The following MEIOB variants were observed in gnomAD, a reference collection of about 807,000 sequenced individuals.
MEIOB encodes meiosis specific with OB-fold.
In MEIOB, 50 loss-of-function variants were observed where a neutral mutation model predicts 53.1. The observed-to-expected ratio is 0.94, with a 90% CI of 0.75 to 1.19. MEIOB has a LOEUF of 1.19. Among genes scored for constraint, MEIOB ranks in the 50% most tolerant of loss-of-function variants. MEIOB has a pLI of 0.00. For missense variants in MEIOB, 551 were observed against 550.8 expected (o/e 1.00, Z 0.00); for synonymous variants, 192 against 182.5 (o/e 1.05, Z -0.42).
intron 4 of MEIOB, 122 bp downstream of exon 4, chr16:1,861,863 C>G: frequency 9.4e-7 from 1 of 1,059,954 alleles, no homozygotes; most frequent in Non-Finnish European, 1.3e-6. Flanking sequence ...TTGACTTTTT[C>G]TGATAAAGTT....
At chr16:1,852,032 G>A (rs187993914) in intron 9 of MEIOB, among the ~76,000 whole-genome samples, 1 of 152,030 alleles carries the variant, frequency 6.6e-6, no homozygotes, top group African/African-American at 2.4e-5. Flanking sequence ...CCACTCCAGG[G>A]GATCATCTGG....
intron 10 of MEIOB, 105 bp from the exon 11 acceptor site, chr16:1,842,078 G>T: frequency 2.8e-6 from 2 of 721,952 alleles, no homozygotes; most frequent in Non-Finnish European, 4.0e-6. Flanking sequence ...AGTAGCTTAA[G>T]TAACAGAAAA....
intron 13 of MEIOB, 63 bp downstream of exon 13, chr16:1,837,721 T>C: frequency 3.5e-6 from 3 of 859,226 alleles, no homozygotes; most frequent in Non-Finnish European, 5.3e-6. Flanking sequence ...AGGTTTTTCT[T>C]ATGGTTTGAA....
intron 9 of MEIOB, among the ~76,000 whole-genome samples, chr16:1,849,550 A>AAAAAAAAAAAAC (rs887590773): frequency 1.3e-5 from 2 of 150,756 alleles, no homozygotes; most frequent in African/African-American, 2.4e-5. Flanking sequence ...CGTCTCAAAA[A>AAAAAAAAAAAAC]AAAAAAACAC....
In MEIOB at chr16:1,834,382, GAA is replaced by G. The variant is rs770741254; in HGVS notation, c.1306-18_1306-17del. The G allele has an allele frequency of 8.0e-5, 109 of 1,364,940 alleles. 1 individual carries two copies. In the African/African-American group the frequency reaches 1.3e-3, roughly 16 times the overall value. The allele number at this position is 1,364,940 out of a possible 1,614,324, so 84.6% of individuals were successfully genotyped here. On this transcript the variant is annotated splice_polypyrimidine_tract_variant and intron_variant, in intron 13 of 13. Coordinates refer to ENST00000325962, the MANE Select transcript of MEIOB (RefSeq NM_001163560.3). ...ATAGAACGAACTGCGAGGAGAAACA[GAA>G]AAAGAGACAAAAGGTTAATTTTTAA... is the stretch of plus-strand genomic sequence containing the variant.
chr16:1,871,448 T>C (rs952135284), intron 1 of MEIOB, among the ~76,000 whole-genome samples: 2 of 128,642 alleles, frequency 1.6e-5, no homozygotes, highest in Admixed American at 8.2e-5. Context: ...CTCGATCTCC[T>C]GACCTCGTGA....
chr16:1,861,535 CTTTTTTTTTTTTT>C (rs59561016), intron 4 of MEIOB, among the ~76,000 whole-genome samples: 1 of 89,106 alleles, frequency 1.1e-5, no homozygotes, highest in East Asian at 3.6e-4. Context: ...GCATTGCAGT[CTTTTTTTTTTTTT>C]TTTTTTTTTT....
intron 9 of MEIOB, among the ~76,000 whole-genome samples, chr16:1,851,682 A>G (rs1899176524): frequency 6.6e-6 from 1 of 152,204 alleles, no homozygotes; most frequent in Non-Finnish European, 1.5e-5. Context: ...TAAAAACCAG[A>G]GTCTCAGTAT....
At chr16:1,870,921 G>A (rs1485267595) in intron 1 of MEIOB, among the ~76,000 whole-genome samples, 1 of 152,088 alleles carries the variant, frequency 6.6e-6, no homozygotes, top group African/African-American at 2.4e-5. Flanking sequence ...ATTTGACTCA[G>A]TGGCTGAATA....
intron 9 of MEIOB, among the ~76,000 whole-genome samples, chr16:1,852,287 G>A (rs1246702195): frequency 3.3e-5 from 4 of 121,584 alleles, no homozygotes; most frequent in Middle Eastern, 7.2e-3. Flanking sequence ...TTTTTGAGAC[G>A]GAGTCTCGCT....
At chr16:1,870,240 A>G (rs1004391214) in intron 1 of MEIOB, among the ~76,000 whole-genome samples, 1 of 152,208 alleles carries the variant, frequency 6.6e-6, no homozygotes, top group Non-Finnish European at 1.5e-5. Context: ...GTGGCATCTT[A>G]CGTATTTTTA....
At chr16:1,852,534 T>G (rs534999584) in intron 9 of MEIOB, among the ~76,000 whole-genome samples, 1 of 151,864 alleles carries the variant, frequency 6.6e-6, no homozygotes, top group African/African-American at 2.4e-5. Context: ...GTGCTGGAAT[T>G]ACAGGTGTGA....
At chr16:1,836,585 A>G (rs1262416788) in intron 13 of MEIOB, among the ~76,000 whole-genome samples, 1 of 148,110 alleles carries the variant, frequency 6.8e-6, no homozygotes, top group Non-Finnish European at 1.5e-5. Context: ...AAGAGGCCTC[A>G]AGCCGAGGTC....
At chr16:1,834,608 C>T (rs967212445) in intron 13 of MEIOB, among the ~76,000 whole-genome samples, 14 of 152,212 alleles carry the variant, frequency 9.2e-5, no homozygotes, top group African/African-American at 3.4e-4. Context: ...CATGCTATTT[C>T]TCTCAGGTAG....
At chr16:1,869,892 G>A (rs1465332358) in intron 1 of MEIOB, among the ~76,000 whole-genome samples, 2 of 14,814 alleles carry the variant, frequency 1.4e-4, no homozygotes, top group African/African-American at 5.4e-4. Flanking sequence ...TTTTTTTTGA[G>A]ACGGAGTCTC....
At chr16:1,842,403 T>G (rs1318319749) in intron 10 of MEIOB, among the ~76,000 whole-genome samples, 1 of 148,688 alleles carries the variant, frequency 6.7e-6, no homozygotes, top group Non-Finnish European at 1.5e-5. Flanking sequence ...TCACCTGAGG[T>G]TGGGAGATCG....
intron 2 of MEIOB, among the ~76,000 whole-genome samples, chr16:1,867,837 A>C (rs1290078059): frequency 2.0e-5 from 3 of 152,206 alleles, no homozygotes; most frequent in African/African-American, 7.2e-5. Context: ...AATATTAAGT[A>C]AAATAATACA....
In MEIOB at chr16:1,839,192, T is replaced by A. The variant is rs1006841168; in HGVS notation, c.1218+63A>T. The A allele has an allele frequency of 5.5e-6, 8 of 1,465,608 alleles. No individual in the cohort carries two copies. In the Middle Eastern group the frequency reaches 7.2e-4, roughly 132 times the overall value. The allele number at this position is 1,465,608 out of a possible 1,614,324, so 90.8% of individuals were successfully genotyped here. A position where few individuals can be genotyped will look rare whatever the true frequency, so the allele number is the denominator to read the frequency against. On this transcript the variant is annotated intron_variant, in intron 12 of 13. Transcript: ENST00000325962. ...AAATGTTTGACAAAACAACCTATAT[T>A]TTTTTGGGAAAAAGCATTCACTTTG...
chr16:1,840,619 G>T (rs1353456443), intron 11 of MEIOB, among the ~76,000 whole-genome samples: 1 of 151,802 alleles, frequency 6.6e-6, no homozygotes, highest in African/African-American at 2.4e-5. Context: ...CGCAATCTCG[G>T]CTCGCTGCAA....
Sources: allele counts gnomAD v4.1 joint callset (sites outside exome capture counted in the v4.1 genomes callset), GRCh38; gene constraint gnomAD v4.1.1; transcripts MANE v1.5; gene names NCBI Gene and HGNC (gene_info 2026-07-23, HGNC 2026-07-21).